The following MDFIC variants were observed in gnomAD, a reference collection of about 807,000 sequenced individuals.
MDFIC encodes myoD family inhibitor domain-containing protein.
Under a neutral mutation model 23.2 loss-of-function variants are expected in MDFIC, and 17 were observed. The observed-to-expected ratio is 0.73, with a 90% CI of 0.50 to 1.10. MDFIC has a LOEUF of 1.10. Among genes scored for constraint, MDFIC ranks in the 50% least tolerant of loss-of-function variants. MDFIC has a pLI of 0.00. For missense variants in MDFIC, 356 were observed against 316.6 expected (o/e 1.12, Z -0.95); for synonymous variants, 120 against 115.2 (o/e 1.04, Z -0.27).
intron 4 of MDFIC, among the ~76,000 whole-genome samples, chr7:114,984,479 AT>A (rs1197717409): frequency 2.0e-5 from 3 of 152,218 alleles, no homozygotes; most frequent in Admixed American, 6.5e-5. Flanking sequence ...ACCAAAAAAA[AT>A]GTTCTTTTAA....
chr7:114,959,764 A>T (rs988892741), intron 3 of MDFIC, among the ~76,000 whole-genome samples: 1 of 151,820 alleles, frequency 6.6e-6, no homozygotes, highest in Non-Finnish European at 1.5e-5. Context: ...GCTTTAAAAA[A>T]AATAATGGAA....
intron 4 of MDFIC, among the ~76,000 whole-genome samples, chr7:114,998,896 G>A (rs1386948321): frequency 6.6e-6 from 1 of 152,078 alleles, no homozygotes; most frequent in African/African-American, 2.4e-5. Context: ...CACTTATGTC[G>A]AGGGGTGTGA....
chr7:114,923,205 G>T, intron 2 of MDFIC, 78 bp downstream of exon 2: 1 of 1,500,446 alleles, frequency 6.7e-7, no homozygotes, highest in Non-Finnish European at 8.9e-7. Context: ...CACAGATAGG[G>T]GTGGGGGGAG....
chr7:114,959,955 G>A (rs1308609282), intron 3 of MDFIC, among the ~76,000 whole-genome samples: 1 of 152,064 alleles, frequency 6.6e-6, no homozygotes, highest in East Asian at 1.9e-4. Flanking sequence ...GTTAGACATT[G>A]TAAAGGTGCA....
intron 4 of MDFIC, among the ~76,000 whole-genome samples, chr7:115,004,723 A>T (rs1320164011): frequency 3.3e-5 from 5 of 152,120 alleles, no homozygotes; most frequent in Admixed American, 3.3e-4. Context: ...GACTGTATTT[A>T]TTCCATTTTT....
intron 3 of MDFIC, among the ~76,000 whole-genome samples, chr7:114,967,976 A>T (rs1793136739): frequency 6.6e-6 from 1 of 151,928 alleles, no homozygotes; most frequent in South Asian, 2.1e-4. Flanking sequence ...CCACAGGCAC[A>T]TGCCACCACA....
intron 3 of MDFIC, among the ~76,000 whole-genome samples, chr7:114,966,700 G>A (rs1412010303): frequency 1.3e-5 from 2 of 152,122 alleles, no homozygotes; most frequent in Non-Finnish European, 2.9e-5. Context: ...TAGAGCAATA[G>A]TTTAAAATCT....
intron 2 of MDFIC, among the ~76,000 whole-genome samples, chr7:114,934,269 A>T (rs1026238393): frequency 1.3e-5 from 2 of 152,146 alleles, no homozygotes; most frequent in Non-Finnish European, 2.9e-5. Flanking sequence ...GGTGCAAGAG[A>T]CTAAGATGAC....
intron 4 of MDFIC, among the ~76,000 whole-genome samples, chr7:114,992,834 G>C (rs551318906): frequency 6.6e-6 from 1 of 152,260 alleles, no homozygotes; most frequent in Admixed American, 6.5e-5. Context: ...TCTCTGCCAG[G>C]CTTTGGTATC....
intron 4 of MDFIC, among the ~76,000 whole-genome samples, chr7:114,988,238 A>T (rs1219865870): frequency 6.6e-6 from 1 of 152,172 alleles, no homozygotes. Flanking sequence ...GGAGATACAG[A>T]TAGATTGGCC....
In MDFIC at chr7:114,945,265, A is replaced by T. The variant is rs142756673; in HGVS notation, c.217+2868A>T. ...GCTGTTTTTACTTTTCTTTGCTGAG[A>T]ATAACTGAGCTCTGGAAAGTCAGGG... On this transcript the variant is annotated intron_variant, in intron 3 of 4. Coordinates refer to ENST00000393486, the MANE Select transcript of MDFIC (RefSeq NM_001166345.3). 2.6e-3 allele frequency among the ~76,000 whole-genome samples: 394 copies of T among 152,288 alleles called. 3 individuals carry two copies. The highest frequency in any genetic ancestry group is 9.3e-3 in the African/African-American group (386 of 41,538).
chr7:114,923,038 C>G lies in MDFIC; in HGVS notation c.5C>G (p.Ser2Cys). Residue 2 changes from serine to cysteine, a missense_variant, in exon 2 of 5, where the codon TCC becomes TGC. Transcript: ENST00000393486. M[S>C]GAGEALAPGP... ...GCGGGCTCGGCGGAGCGGCCCATGT[C>G]CGGCGCGGGCGAAGCCCTCGCTCCC... is the stretch of plus-strand genomic sequence containing the variant. 7.3e-7 allele frequency: 1 copy of G among 1,370,290 alleles called. No homozygotes were observed. The highest frequency in any genetic ancestry group is 1.7e-5 in the South Asian group (1 of 58,040). The allele number at this position is 1,370,290 out of a possible 1,614,324, so 84.9% of individuals were successfully genotyped here. A position where few individuals can be genotyped will look rare whatever the true frequency, so the allele number is the denominator to read the frequency against.
chr7:114,980,384 C>T (rs1793397418), intron 4 of MDFIC, among the ~76,000 whole-genome samples: 2 of 152,166 alleles, frequency 1.3e-5, no homozygotes, highest in Admixed American at 1.3e-4. Flanking sequence ...CCTTTAGAGA[C>T]ACTTGGCTGT....
chr7:114,939,993 T>C (rs1202937019), intron 2 of MDFIC, among the ~76,000 whole-genome samples: 2 of 152,178 alleles, frequency 1.3e-5, no homozygotes. Flanking sequence ...AAAATCTCTT[T>C]TATTGATAAT....
chr7:114,956,609 G>T (rs1243207718), intron 3 of MDFIC, among the ~76,000 whole-genome samples: 1 of 152,032 alleles, frequency 6.6e-6, no homozygotes, highest in East Asian at 1.9e-4. Context: ...AAGGCATTAT[G>T]ATTCTATAGT....
At chr7:115,013,896 G>T in intron 4 of MDFIC, 1 of 707,978 alleles carries the variant, frequency 1.4e-6, no homozygotes, top group Non-Finnish European at 1.7e-6. Context: ...TGAAATGATT[G>T]GTTACTACCA....
At chr7:114,935,307 T>G (rs975529982) in intron 2 of MDFIC, among the ~76,000 whole-genome samples, 1 of 152,086 alleles carries the variant, frequency 6.6e-6, no homozygotes, top group African/African-American at 2.4e-5. Flanking sequence ...TCATAGATTA[T>G]TATCAAATAT....
intron 3 of MDFIC, among the ~76,000 whole-genome samples, chr7:114,950,405 G>A (rs868268514): frequency 6.6e-6 from 1 of 152,156 alleles, no homozygotes; most frequent in Admixed American, 6.6e-5. Flanking sequence ...CAAATGATTT[G>A]TGGATATTGT....
intron 4 of MDFIC, among the ~76,000 whole-genome samples, chr7:115,013,501 G>C (rs1025811216): frequency 5.3e-5 from 8 of 152,142 alleles, no homozygotes; most frequent in Middle Eastern, 3.2e-3. Context: ...TGTCAGGTGG[G>C]TTTTTGTAGA....
Sources: allele counts gnomAD v4.1 joint callset (sites outside exome capture counted in the v4.1 genomes callset), GRCh38; gene constraint gnomAD v4.1.1; transcripts MANE v1.5; gene names NCBI Gene and HGNC (gene_info 2026-07-23, HGNC 2026-07-21).